Variants in SEMA3E observed in about 807,000 individuals in gnomAD.
SEMA3E encodes semaphorin 3E, also known as semaphorin-3E.
In SEMA3E, 49 loss-of-function variants were observed where a neutral mutation model predicts 93.6. The observed-to-expected ratio is 0.52, with a 90% CI of 0.42 to 0.66. The LOEUF (loss-of-function observed/expected upper bound fraction) is 0.66, where lower values mean the gene tolerates loss of function less well. Ranked by LOEUF, SEMA3E falls within the 30% of genes least tolerant of loss-of-function variation. The probability of loss-of-function intolerance (pLI) is 0.00; values close to 1 mark genes in which losing one functional copy is unlikely to be tolerated. For missense variants in SEMA3E, 906 were observed against 964.8 expected (o/e 0.94, Z 0.81); for synonymous variants, 363 against 330.7 (o/e 1.10, Z -1.06).
chr7:83,433,166 G>T (rs1788926588), intron 4 of SEMA3E, among the ~76,000 whole-genome samples: 1 of 152,094 alleles, frequency 6.6e-6, no homozygotes, highest in Middle Eastern at 3.2e-3. Flanking sequence ...TTGTTGCAAA[G>T]ATTATATGAT....
chr7:83,534,377 T>C (rs1791368077), intron 1 of SEMA3E, among the ~76,000 whole-genome samples: 1 of 152,218 alleles, frequency 6.6e-6, no homozygotes, highest in Admixed American at 6.5e-5. Context: ...GTGAATTCTC[T>C]TGGGTTTCTA....
At chr7:83,373,897 C>G (rs1371243416) in intron 16 of SEMA3E, among the ~76,000 whole-genome samples, 1 of 152,082 alleles carries the variant, frequency 6.6e-6, no homozygotes, top group African/African-American at 2.4e-5. Flanking sequence ...CATTCAACCT[C>G]ACTAGTAAGG....
chr7:83,550,653 G>T (rs919675963), intron 1 of SEMA3E, among the ~76,000 whole-genome samples: 1 of 152,064 alleles, frequency 6.6e-6, no homozygotes, highest in Non-Finnish European at 1.5e-5. Context: ...ATATCCACCA[G>T]TTTTAGCATC....
chr7:83,373,414 A>G (rs1328460537), intron 16 of SEMA3E, among the ~76,000 whole-genome samples: 1 of 152,142 alleles, frequency 6.6e-6, no homozygotes, highest in Non-Finnish European at 1.5e-5. Flanking sequence ...ACATATGTAT[A>G]TATATTTATT....
At position 83,519,103 on chromosome 7, in the gene SEMA3E, T is replaced by C. The variant is rs1790992801; in HGVS notation, c.116-28829A>G. On this transcript the variant is annotated intron_variant, in intron 1 of 16. Coordinates refer to ENST00000643230, the MANE Select transcript of SEMA3E (RefSeq NM_012431.3). ...GTCATTTAGCATTAGGTATATCTCCTAAAGCTATCCCTCCCCGCTACCCCC... is the reference window on the plus strand; with the variant it reads ...GTCATTTAGCATTAGGTATATCTCCCAAAGCTATCCCTCCCCGCTACCCCC... 2.6e-5 allele frequency among the ~76,000 whole-genome samples: 4 copies of C among 152,014 alleles called. 1 individual carries two copies. In the South Asian group the frequency reaches 8.3e-4, roughly 32 times the overall value.
chr7:83,635,729 T>C (rs1793869614), intron 1 of SEMA3E, among the ~76,000 whole-genome samples: 1 of 152,056 alleles, frequency 6.6e-6, no homozygotes, highest in South Asian at 2.1e-4. Context: ...GTTGAGAAAG[T>C]CAAATAGCTT....
chr7:83,385,091 A>G (rs1190183673), intron 16 of SEMA3E, among the ~76,000 whole-genome samples: 1 of 150,170 alleles, frequency 6.7e-6, no homozygotes, highest in Non-Finnish European at 1.5e-5. Context: ...TTTATATAGT[A>G]TATGTATATA....
intron 5 of SEMA3E, among the ~76,000 whole-genome samples, chr7:83,415,321 A>C (rs1480738463): frequency 6.6e-6 from 1 of 152,124 alleles, no homozygotes; most frequent in African/African-American, 2.4e-5. Context: ...TTGGCCAAAC[A>C]TGCAGAAATA....
At position 83,418,190 on chromosome 7, in the gene SEMA3E, T is replaced by TACTTAATACTTA. The variant is rs1788595043; in HGVS notation, c.550+199_550+200insTAAGTATTAAGT. ...TTCTCAGAGTGAGACACACACACTT[T>TACTTAATACTTA]ATAGCATCTGCACTTATTTTAGAGT... On this transcript the variant is annotated intron_variant, in intron 5 of 16. Transcript: ENST00000643230. Among the ~76,000 whole-genome samples the TACTTAATACTTA allele has an allele frequency of 4.2e-4, 64 of 152,302 alleles. No individual in the cohort carries two copies. In the South Asian group the frequency reaches 0.012, roughly 30 times the overall value.
Position 83,648,833 on chromosome 7 carries a change from T to G in SEMA3E, c.-291A>C. On this transcript the variant is annotated 5_prime_UTR_variant, in exon 1 of 17. Coordinates refer to ENST00000643230, the MANE Select transcript of SEMA3E (RefSeq NM_012431.3). Reference sequence around the variant, plus strand: ...CTCTTCAGCAACTACGCCGGTAGATTCAGGAAGAAGCTGTATTTTTCAGTC... The same window carrying G: ...CTCTTCAGCAACTACGCCGGTAGATGCAGGAAGAAGCTGTATTTTTCAGTC... 2.8e-6 allele frequency: 1 copy of G among 356,174 alleles called. No individual in the cohort carries two copies. The highest frequency in any genetic ancestry group is 5.2e-6 in the Non-Finnish European group (1 of 192,904). 22.1% of individuals were successfully genotyped at this position (356,174 alleles called of 1,614,324 possible).
chr7:83,613,982 C>A (rs189763923), intron 1 of SEMA3E, among the ~76,000 whole-genome samples: 1 of 151,934 alleles, frequency 6.6e-6, no homozygotes, highest in African/African-American at 2.4e-5. Flanking sequence ...TCAAAAATAT[C>A]ACTGAGTCTC....
intron 1 of SEMA3E, among the ~76,000 whole-genome samples, chr7:83,577,157 T>C (rs1017464310): frequency 1.8e-4 from 27 of 152,194 alleles, no homozygotes; most frequent in Non-Finnish European, 3.2e-4. Context: ...AAAATTTTTA[T>C]GTAAACATTT....
chr7:83,517,028 T>G (rs527674155), intron 1 of SEMA3E, among the ~76,000 whole-genome samples: 1 of 152,088 alleles, frequency 6.6e-6, no homozygotes, highest in African/African-American at 2.4e-5. Flanking sequence ...GTGTTTTACT[T>G]ACTGGATACA....
At chr7:83,468,601 A>T (rs754027207) in intron 3 of SEMA3E, among the ~76,000 whole-genome samples, 2 of 151,880 alleles carry the variant, frequency 1.3e-5, no homozygotes, top group Non-Finnish European at 1.5e-5. Flanking sequence ...TCACAGGCAG[A>T]TGTCTAGGAC....
intron 1 of SEMA3E, among the ~76,000 whole-genome samples, chr7:83,536,041 G>C (rs1010393073): frequency 1.3e-5 from 2 of 152,136 alleles, no homozygotes; most frequent in Admixed American, 6.6e-5. Context: ...GGAATCTGCT[G>C]TTTTTGTGAA....
At chr7:83,378,936 T>C (rs1385316632) in intron 16 of SEMA3E, among the ~76,000 whole-genome samples, 2 of 151,844 alleles carry the variant, frequency 1.3e-5, no homozygotes, top group East Asian at 1.9e-4. Flanking sequence ...ATCAAAATGA[T>C]ACCTCCATTC....
At chr7:83,600,520 T>TTTTC (rs1491511606) in intron 1 of SEMA3E, among the ~76,000 whole-genome samples, 1 of 107,458 alleles carries the variant, frequency 9.3e-6, no homozygotes, top group Non-Finnish European at 1.9e-5. Context: ...TTTTTTTTTT[T>TTTTC]GTATTTTTAG....
intron 2 of SEMA3E, among the ~76,000 whole-genome samples, chr7:83,489,530 G>T (rs1318992228): frequency 6.6e-6 from 1 of 152,002 alleles, no homozygotes. Context: ...TGTATGTTTT[G>T]TGTAAGATTT....
intron 1 of SEMA3E, among the ~76,000 whole-genome samples, chr7:83,556,679 C>G (rs1413937482): frequency 6.6e-6 from 1 of 152,084 alleles, no homozygotes; most frequent in Admixed American, 6.6e-5. Context: ...AATTTATAAT[C>G]TGACTTAGGA....
Sources: allele counts gnomAD v4.1 joint callset (sites outside exome capture counted in the v4.1 genomes callset), GRCh38; gene constraint gnomAD v4.1.1; transcripts MANE v1.5; gene names NCBI Gene and HGNC (gene_info 2026-07-23, HGNC 2026-07-21).